ARID4A: variants seen among roughly 807,000 people sequenced by gnomAD.
ARID4A encodes AT-rich interaction domain 4A, also known as AT-rich interactive domain-containing protein 4A.
In ARID4A, 39 loss-of-function variants were observed where a neutral mutation model predicts 148.6. That is an observed-to-expected ratio of 0.26 (90% CI 0.20 to 0.34). The LOEUF (loss-of-function observed/expected upper bound fraction) is 0.34, where lower values mean the gene tolerates loss of function less well. Ranked by LOEUF, ARID4A falls within the 10% of genes least tolerant of loss-of-function variation. The pLI is 1.00. For synonymous variants in ARID4A, 475 were observed against 481.2 expected (o/e 0.99, Z 0.17); for missense variants, 1,265 against 1,449.1 (o/e 0.87, Z 2.06).
At chr14:58,338,589 G>A (rs1325327512) in intron 11 of ARID4A, among the ~76,000 whole-genome samples, 1 of 152,124 alleles carries the variant, frequency 6.6e-6, no homozygotes, top group Non-Finnish European at 1.5e-5. Context: ...AGGGGATGGA[G>A]GGGTTGTAAG....
intron 15 of ARID4A, 141 bp from the exon 16 acceptor site, chr14:58,350,932 G>T: frequency 1.5e-6 from 1 of 680,570 alleles, no homozygotes; most frequent in Non-Finnish European, 2.3e-6. Context: ...AAAAGGAAGA[G>T]AAAGGTACCT....
intron 17 of ARID4A, among the ~76,000 whole-genome samples, chr14:58,357,765 T>A (rs763844565): frequency 5.3e-5 from 8 of 152,202 alleles, no homozygotes; most frequent in African/African-American, 9.6e-5. Context: ...TTTACTTAAC[T>A]GTACATTTTT....
chr14:58,299,929 G>A lies in ARID4A; in HGVS notation c.6+69G>A, dbSNP rs528594817. ...TGCCAATCCTAAGGCTAGTGCCGTG[G>A]AATGTCATTTGTTTTGCTACTCAAA... is the stretch of plus-strand genomic sequence containing the variant. On this transcript the variant is annotated intron_variant, in intron 2 of 23. Coordinates refer to ENST00000355431, the MANE Select transcript of ARID4A (RefSeq NM_002892.4). 3.9e-4 allele frequency: 620 copies of A among 1,603,306 alleles called. 9 individuals are homozygous for A. The South Asian group carries it at 6.5e-3, about 17-fold the overall frequency.
At chr14:58,353,631 C>G in intron 16 of ARID4A, 27 bp from the exon 17 acceptor site, 1 of 1,575,172 alleles carries the variant, frequency 6.3e-7, no homozygotes, top group Non-Finnish European at 8.7e-7. Context: ...TTATTAGTAG[C>G]ATTATCAGTA....
intron 23 of ARID4A, among the ~76,000 whole-genome samples, chr14:58,370,447 CCA>C (rs1400610680): frequency 6.6e-6 from 1 of 152,096 alleles, no homozygotes; most frequent in East Asian, 1.9e-4. Context: ...CAGGTGCCCG[CCA>C]CCATGCCTGG....
chr14:58,306,132 A>C lies in ARID4A; in HGVS notation c.274+20A>C. ...CCGTGGGTAAGTAATTAAGTAATTT[A>C]ACACAGATTTGATTTGGAGGTTGCA... On this transcript the variant is annotated intron_variant, in intron 5 of 23. Transcript: ENST00000355431. 6.4e-7 allele frequency: 1 copy of C among 1,559,670 alleles called. No individual in the cohort carries two copies. The highest frequency in any genetic ancestry group is 1.4e-5 in the African/African-American group (1 of 73,856).
chr14:58,313,940 C>T (rs2032231734), intron 5 of ARID4A, among the ~76,000 whole-genome samples: 1 of 152,210 alleles, frequency 6.6e-6, no homozygotes. Context: ...CCACCTGGTT[C>T]ACTGGCACAT....
At chr14:58,309,826 T>TA (rs1215314316) in intron 5 of ARID4A, among the ~76,000 whole-genome samples, 16 of 152,224 alleles carry the variant, frequency 1.1e-4, no homozygotes, top group African/African-American at 3.9e-4. Flanking sequence ...ACCTTGTAGT[T>TA]ACTGTTTTGA....
intron 3 of ARID4A, 68 bp downstream of exon 3, chr14:58,301,758 G>T: frequency 1.8e-6 from 2 of 1,113,916 alleles, no homozygotes; most frequent in Non-Finnish European, 2.6e-6. Flanking sequence ...GAGAGAGACT[G>T]CAAATCAGCA....
At chr14:58,370,631 T>TG (rs1023672145) in intron 23 of ARID4A, among the ~76,000 whole-genome samples, 6 of 150,950 alleles carry the variant, frequency 4.0e-5, no homozygotes, top group Admixed American at 1.3e-4. Context: ...TTTTTGTTGT[T>TG]GGGGGGTACA....
At chr14:58,299,524 C>T (rs1295151358) in intron 1 of ARID4A, 4 of 439,626 alleles carry the variant, frequency 9.1e-6, no homozygotes, top group Non-Finnish European at 1.3e-5. Context: ...TGTCCTGGAG[C>T]TCCGAGTTGA....
At position 58,364,244 on chromosome 14, in the gene ARID4A, G is replaced by A. The variant is rs2035254162; in HGVS notation, c.2155G>A (p.Asp719Asn). Residue 719 changes from aspartate to asparagine, a missense_variant, in exon 20 of 24, where the codon GAT (aspartate) becomes AAT (asparagine). By Grantham distance (23) the Asp-to-Asn change is conservative. Coordinates refer to ENST00000355431, the MANE Select transcript of ARID4A (RefSeq NM_002892.4). ...NLINEELSLK[D>N]ELEKNENLND... ...AATAAATGAAGAACTTTCTCTTAAA[G>A]ATGAACTAGAAAAAAATGAAAATTT... The A allele has an allele frequency of 6.5e-7, 1 of 1,529,282 alleles. No individual in the cohort carries two copies. The highest frequency in any genetic ancestry group is 8.7e-7 in the Non-Finnish European group (1 of 1,145,384). 94.7% of individuals were successfully genotyped at this position (1,529,282 alleles called of 1,614,324 possible).
chr14:58,299,577 G>T (rs2030942829), intron 1 of ARID4A: 1 of 549,240 alleles, frequency 1.8e-6, no homozygotes, highest in African/African-American at 1.9e-5. Context: ...GGCGCGGTGG[G>T]CCGCTGGCGA....
chr14:58,335,041 C>T lies in ARID4A; in HGVS notation c.906+4872C>T, dbSNP rs370761051. On this transcript the variant is annotated intron_variant, in intron 11 of 23. Coordinates refer to ENST00000355431, the MANE Select transcript of ARID4A (RefSeq NM_002892.4). ...CACTGTAGTGTGTCTTGATTTCCCA[C>T]AACTAAAACAACTTTACTAAGGTCA... is the stretch of plus-strand genomic sequence containing the variant. Among the ~76,000 whole-genome samples, 97 of 152,292 alleles carry T rather than the reference C, an allele frequency of 6.4e-4. 1 individual carries two copies. The South Asian group carries it at 0.02, about 32-fold the overall frequency.
At chr14:58,309,414 C>T (rs1474897556) in intron 5 of ARID4A, among the ~76,000 whole-genome samples, 4 of 152,116 alleles carry the variant, frequency 2.6e-5, no homozygotes, top group African/African-American at 7.2e-5. Context: ...TTATCCTTGC[C>T]ATTAAAGATA....
intron 5 of ARID4A, among the ~76,000 whole-genome samples, chr14:58,307,464 T>C (rs1280062874): frequency 6.6e-6 from 1 of 152,240 alleles, no homozygotes; most frequent in African/African-American, 2.4e-5. Flanking sequence ...ACAGTGGTGC[T>C]ATTATTCTGA....
intron 8 of ARID4A, among the ~76,000 whole-genome samples, chr14:58,327,253 A>G (rs895785063): frequency 3.3e-5 from 5 of 152,218 alleles, no homozygotes; most frequent in African/African-American, 9.6e-5. Flanking sequence ...GAACGTTTCC[A>G]TCAGTGCACA....
intron 5 of ARID4A, among the ~76,000 whole-genome samples, chr14:58,316,658 G>C (rs896726646): frequency 3.9e-5 from 6 of 152,180 alleles, no homozygotes; most frequent in Middle Eastern, 3.4e-3. Context: ...TCTGCTCACT[G>C]CAACCTCTGC....
chr14:58,350,301 T>C (rs60179825), intron 15 of ARID4A, among the ~76,000 whole-genome samples: 1,926 of 152,208 alleles, frequency 0.013, 41 homozygotes, highest in African/African-American at 0.044. Context: ...TTTACTGAGA[T>C]ATTAATTGTA....
Sources: gnomAD v4.1 joint callset for allele counts (sites outside exome capture counted in the v4.1 genomes callset) on GRCh38, gnomAD v4.1.1 for gene constraint, MANE v1.5 for transcripts, NCBI Gene and HGNC (gene_info 2026-07-23, HGNC 2026-07-21) for gene names.